MCF2L2: variants seen among roughly 807,000 people sequenced by gnomAD.
MCF2L2 encodes MCF.2 cell line derived transforming sequence-like 2.
Under a neutral mutation model 150.2 loss-of-function variants are expected in MCF2L2, and 102 were observed. The ratio of observed to expected loss-of-function variants is 0.68; its 90% CI spans 0.58 to 0.80. The LOEUF (loss-of-function observed/expected upper bound fraction) is 0.80. Among genes scored for constraint, MCF2L2 ranks in the 30% least tolerant of loss-of-function variants. The pLI is 0.00. For missense variants in MCF2L2, 1,256 were observed against 1,372.8 expected (o/e 0.91, Z 1.34); for synonymous variants, 465 against 491.3 (o/e 0.95, Z 0.71).
chr3:183,276,781 A>G (rs1042405621), intron 15 of MCF2L2, 91 bp downstream of exon 15: 10 of 821,608 alleles, frequency 1.2e-5, no homozygotes, highest in Non-Finnish European at 2.0e-5. Context: ...CTTATCTGGG[A>G]AAGACAGGTG....
At chr3:183,330,220 AG>A (rs1730211455) in intron 5 of MCF2L2, among the ~76,000 whole-genome samples, 1 of 141,056 alleles carries the variant, frequency 7.1e-6, no homozygotes, top group Non-Finnish European at 1.5e-5. Flanking sequence ...ACTCCTGCCC[AG>A]GTGACAGAGC....
chr3:183,394,422 C>A (rs1714330594), intron 1 of MCF2L2, among the ~76,000 whole-genome samples: 1 of 152,248 alleles, frequency 6.6e-6, no homozygotes, highest in Non-Finnish European at 1.5e-5. Flanking sequence ...CCTACCTCCA[C>A]AACCAGACTG....
chr3:183,285,997 T>C (rs1379592303), intron 14 of MCF2L2, among the ~76,000 whole-genome samples: 1 of 152,120 alleles, frequency 6.6e-6, no homozygotes, highest in Non-Finnish European at 1.5e-5. Flanking sequence ...GCACAGCGAA[T>C]CGCTTCCACC....
intron 22 of MCF2L2, among the ~76,000 whole-genome samples, chr3:183,212,949 G>A (rs993749065): frequency 3.7e-5 from 5 of 134,746 alleles, no homozygotes; most frequent in East Asian, 2.7e-4. Flanking sequence ...TAGGTATTGT[G>A]GGGGGGTGGG....
chr3:183,358,847 AC>A (rs1711950665), intron 3 of MCF2L2, among the ~76,000 whole-genome samples: 1 of 151,686 alleles, frequency 6.6e-6, no homozygotes, highest in Non-Finnish European at 1.5e-5. Flanking sequence ...CAGGTCTTGA[AC>A]CCCTCAAGTA....
At position 183,283,905 on chromosome 3, in the gene MCF2L2, C is replaced by T. The variant is rs1181182212; in HGVS notation, c.1776+5215G>A. 6.6e-6 allele frequency among the ~76,000 whole-genome samples: 1 copy of T among 152,160 alleles called. No homozygotes were observed. The highest frequency in any genetic ancestry group is 2.4e-5 in the African/African-American group (1 of 41,438). ...TCCTTGTGAGGAATTACTTTCTCTA[C>T]CACATTATATATTCCTTTTACTGTA... On this transcript the variant is annotated intron_variant, in intron 14 of 29. Transcript: ENST00000328913. This position sits in a 1 kb window ranked among gnomAD's most constrained non-coding sequence, Gnocchi z 4.2.
intron 26 of MCF2L2, among the ~76,000 whole-genome samples, chr3:183,194,036 G>C (rs1347378250): frequency 6.6e-6 from 1 of 152,124 alleles, no homozygotes; most frequent in African/African-American, 2.4e-5. Flanking sequence ...GTCTCATAGG[G>C]AGAAAATGTA....
intron 15 of MCF2L2, among the ~76,000 whole-genome samples, chr3:183,268,325 G>A (rs1273623557): frequency 6.6e-6 from 1 of 152,232 alleles, no homozygotes; most frequent in African/African-American, 2.4e-5. Context: ...AGTTAAAAGA[G>A]CTCAGTTTGT....
chr3:183,309,851 G>C lies in MCF2L2; in HGVS notation c.994-16C>G. 1.2e-6 allele frequency: 2 copies of C among 1,612,816 alleles called. No individual in the cohort carries two copies. The highest frequency in any genetic ancestry group is 1.7e-6 in the Non-Finnish European group (2 of 1,179,954). ...CAAGCTTAGCCTACAAGAAACATTA[G>C]AACAGTCCAGAAGTAAACCAACACT... On this transcript the variant is annotated splice_polypyrimidine_tract_variant and intron_variant, in intron 9 of 29. Coordinates refer to ENST00000328913, the MANE Select transcript of MCF2L2 (RefSeq NM_015078.4).
chr3:183,339,726 C>G (rs1489042709), intron 4 of MCF2L2, among the ~76,000 whole-genome samples: 1 of 152,132 alleles, frequency 6.6e-6, no homozygotes. Context: ...GCTTTCCATT[C>G]TTCCAGTGGT....
chr3:183,224,182 A>G lies in MCF2L2; in HGVS notation c.2124T>C (p.Asp708=), dbSNP rs751020934. ...LAHCFLKRKE[D]LQIYFKYHKN... is the part of the protein sequence containing the mutation. The stretch of plus-strand genomic sequence containing the variant: ...TATGGTATTTAAAATATATCTGAAG[A>G]TCTTCTTTCTAGGTGGGAAAAAATT... The change falls in exon 19 of 30, where the codon GAT becomes GAC. Residue 708 remains aspartate (D), a synonymous_variant. Coordinates refer to ENST00000328913, the MANE Select transcript of MCF2L2 (RefSeq NM_015078.4). 6.2e-7 allele frequency: 1 copy of G among 1,610,688 alleles called. No individual in the cohort carries two copies.
chr3:183,298,763 A>T (rs1023444996), intron 11 of MCF2L2: 3 of 115,200 alleles, frequency 2.6e-5, no homozygotes, highest in Admixed American at 1.8e-4. Flanking sequence ...TCAAACACAC[A>T]TGCACACACA....
intron 5 of MCF2L2, among the ~76,000 whole-genome samples, chr3:183,326,517 CAA>C (rs796603143): frequency 2.0e-5 from 2 of 101,864 alleles, no homozygotes; most frequent in African/African-American, 7.2e-5. Flanking sequence ...AAAAAAAAAA[CAA>C]AAAAAAACCC....
intron 3 of MCF2L2, among the ~76,000 whole-genome samples, chr3:183,364,522 A>C (rs1237914885): frequency 2.6e-5 from 4 of 152,196 alleles, no homozygotes; most frequent in Admixed American, 2.6e-4. Flanking sequence ...TCCATCTCAA[A>C]AATAAAAAAA....
chr3:183,211,932 C>T (rs1439324138), intron 22 of MCF2L2, among the ~76,000 whole-genome samples: 2 of 152,116 alleles, frequency 1.3e-5, no homozygotes, highest in Non-Finnish European at 2.9e-5. Context: ...TGATCTTATT[C>T]GGAAAGAGGG....
Position 183,270,657 on chromosome 3 carries a change from G to GGCC in MCF2L2, c.1862+6212_1862+6214dup. On this transcript the variant is annotated intron_variant, in intron 15 of 29. Transcript: ENST00000328913. The surrounding 1 kb of genome is among the most constrained non-coding windows in gnomAD (Gnocchi z 4.5). ...TCTTTACATAGACGATGTGTTCATG[G>GGCC]GCCTCTGTGCCAATAAAATAGGGAT... 1 of 1,614,054 alleles carries GGCC rather than the reference G, an allele frequency of 6.2e-7. No homozygotes were observed. The highest frequency in any genetic ancestry group is 8.5e-7 in the Non-Finnish European group (1 of 1,180,026).
In MCF2L2 at chr3:183,280,978, G is replaced by A. The variant is rs184384310; in HGVS notation, c.1777-4021C>T. On this transcript the variant is annotated intron_variant, in intron 14 of 29. Coordinates refer to ENST00000328913, the MANE Select transcript of MCF2L2 (RefSeq NM_015078.4). Reference sequence around the variant, plus strand: ...AGGAGCTATTAGGCCCAATTCTGAGGAGAGAAAAAAAAGCAGATTTCAAGG... The same window carrying A: ...AGGAGCTATTAGGCCCAATTCTGAGAAGAGAAAAAAAAGCAGATTTCAAGG... Among the ~76,000 whole-genome samples, 79 of 152,042 alleles carry A rather than the reference G, an allele frequency of 5.2e-4. 1 individual carries two copies. Among genetic ancestry groups the A allele is most frequent in the African/African-American group, 1.8e-3 (76 of 41,450 alleles).
intron 3 of MCF2L2, chr3:183,376,423 A>C (rs1713191255): frequency 1.3e-5 from 2 of 152,330 alleles, no homozygotes; most frequent in South Asian, 4.1e-4. Flanking sequence ...CTACATCCCT[A>C]TTCACCCTCT....
rs572461777 is a variant in MCF2L2, at chr3:183,334,599, C to A, written c.486+4201G>T. 1.6e-3 allele frequency among the ~76,000 whole-genome samples: 242 copies of A among 150,682 alleles called. 3 individuals carry two copies. Among genetic ancestry groups the A allele is most frequent in the African/African-American group, 5.1e-3 (208 of 40,980 alleles). On this transcript the variant is annotated intron_variant, in intron 5 of 29. Transcript: ENST00000328913. ...GGTCAGGAGTTCGAGACCAGCCTGG[C>A]CAACATGGTGAAACCCTGTCTCTAC...
Sources: allele counts gnomAD v4.1 joint callset (sites outside exome capture counted in the v4.1 genomes callset), GRCh38; gene constraint gnomAD v4.1.1; non-coding constraint Gnocchi (gnomAD v3.1); transcripts MANE v1.5; gene names NCBI Gene and HGNC (gene_info 2026-07-23, HGNC 2026-07-21).